SPAG16: variants seen among roughly 807,000 people sequenced by gnomAD.
SPAG16 encodes the protein sperm associated antigen 16, also known as sperm-associated antigen 16 protein.
Under a neutral mutation model 80.4 loss-of-function variants are expected in SPAG16, and 86 were observed. The ratio of observed to expected loss-of-function variants is 1.07; its 90% CI spans 0.90 to 1.28. SPAG16 has a LOEUF of 1.28. SPAG16 is among the 50% of genes most tolerant of loss of function. The probability of loss-of-function intolerance (pLI) is 0.00; values close to 1 mark genes in which losing one functional copy is unlikely to be tolerated. For synonymous variants in SPAG16, 294 were observed against 265.9 expected (o/e 1.11, Z -1.03); for missense variants, 870 against 765.3 (o/e 1.14, Z -1.61).
In SPAG16 at chr2:213,974,179, A is replaced by G. The variant is rs115303995; in HGVS notation, c.1401-39772A>G. The stretch of plus-strand genomic sequence containing the variant: ...TGGAAGATAGAGCCAGATGATCATA[A>G]TTAGTTCTGTCTCTTATTTAAAAGA... On this transcript the variant is annotated intron_variant, in intron 12 of 15. Coordinates refer to ENST00000331683, the MANE Select transcript of SPAG16 (RefSeq NM_024532.5). Among the ~76,000 whole-genome samples the G allele has an allele frequency of 8.8e-3, 1,347 of 152,236 alleles. 21 individuals are homozygous for G. The highest frequency in any genetic ancestry group is 0.03 in the African/African-American group (1,254 of 41,552).
chr2:213,490,185 CT>C, intron 10 of SPAG16, 95 bp downstream of exon 10: 1 of 1,215,752 alleles, frequency 8.2e-7, no homozygotes, highest in Non-Finnish European at 1.1e-6. Context: ...AAATGGTTTG[CT>C]TTTAGCCTTT....
rs372576500 is a variant in SPAG16, at chr2:213,350,550, T to C, written c.667T>C (p.Tyr223His). 1.3e-6 allele frequency: 2 copies of C among 1,578,250 alleles called. No individual in the cohort carries two copies. The highest frequency in any genetic ancestry group is 1.7e-6 in the Non-Finnish European group (2 of 1,167,022). The change falls in exon 7 of 16, where the codon TAT becomes CAT. Residue 223 changes from tyrosine (Y) to histidine (H), a missense_variant. Coordinates refer to ENST00000331683, the MANE Select transcript of SPAG16 (RefSeq NM_024532.5). Reference sequence around the variant, plus strand: ...TAGGTTGAAGTTACATTATGCATCTTATGAACCGACTATAAGGGTGTTACA... The same window carrying C: ...TAGGTTGAAGTTACATTATGCATCTCATGAACCGACTATAAGGGTGTTACA... Reference protein sequence around the residue: ...LKGLKLHYASYEPTIRVLHEK... With the variant: ...LKGLKLHYASHEPTIRVLHEK...
Position 214,102,646 on chromosome 2 carries a change from G to C in SPAG16, c.1528-5550G>C, listed in dbSNP as rs533737567. On this transcript the variant is annotated intron_variant, in intron 13 of 15. Transcript: ENST00000331683. Reference sequence around the variant, plus strand: ...CCTATGTTGGACTTACTTCACAACTGTCTGTGTTAGCAGTGGAAGAGATCA... The same window carrying C: ...CCTATGTTGGACTTACTTCACAACTCTCTGTGTTAGCAGTGGAAGAGATCA... Among the ~76,000 whole-genome samples, 6 of 152,214 alleles carry C rather than the reference G, an allele frequency of 3.9e-5. No individual in the cohort carries two copies. In the East Asian group the frequency reaches 1.2e-3, roughly 29 times the overall value.
chr2:214,059,216 G>GTA (rs1423216101), intron 13 of SPAG16, among the ~76,000 whole-genome samples: 3 of 66,990 alleles, frequency 4.5e-5, no homozygotes, highest in Admixed American at 1.6e-4. Flanking sequence ...ATATATATAT[G>GTA]TATGTGTATA....
At chr2:213,480,043 T>A (rs1199020506) in intron 9 of SPAG16, among the ~76,000 whole-genome samples, 2 of 152,142 alleles carry the variant, frequency 1.3e-5, no homozygotes, top group East Asian at 3.9e-4. Context: ...GCAACTTTAC[T>A]TAAAATTCAA....
chr2:213,910,520 G>A (rs1263229750), intron 11 of SPAG16, among the ~76,000 whole-genome samples: 3 of 82,268 alleles, frequency 3.6e-5, no homozygotes, highest in African/African-American at 1.0e-4. Context: ...ACGGAGTCTC[G>A]CTCTGTCGCC....
intron 14 of SPAG16, 102 bp from the exon 15 acceptor site, chr2:214,149,038 A>C: frequency 2.6e-6 from 1 of 383,970 alleles, no homozygotes; most frequent in East Asian, 9.3e-5. Flanking sequence ...ATTTGTATAT[A>C]TGTAGTGTGT....
chr2:214,379,042 A>G (rs1047399458), intron 15 of SPAG16, among the ~76,000 whole-genome samples: 1 of 152,210 alleles, frequency 6.6e-6, no homozygotes, highest in Admixed American at 6.5e-5. Flanking sequence ...TACCTGCTGC[A>G]GGTCACTGAA....
At chr2:213,924,262 C>T (rs1050538803) in intron 11 of SPAG16, among the ~76,000 whole-genome samples, 1 of 152,182 alleles carries the variant, frequency 6.6e-6, no homozygotes, top group Non-Finnish European at 1.5e-5. Flanking sequence ...GTCTGGATGG[C>T]TCTCTCCCTC....
At chr2:213,796,931 TAAAGACC>T (rs762701774) in intron 10 of SPAG16, among the ~76,000 whole-genome samples, 14 of 28,162 alleles carry the variant, frequency 5.0e-4, no homozygotes, top group Non-Finnish European at 2.2e-3. Flanking sequence ...TTATTTCTCC[TAAAGACC>T]TTTTAGTGAG....
At chr2:213,939,072 T>G (rs2079100894) in intron 12 of SPAG16, among the ~76,000 whole-genome samples, 1 of 152,142 alleles carries the variant, frequency 6.6e-6, no homozygotes, top group African/African-American at 2.4e-5. Context: ...CAATCTAGAA[T>G]GAGCCATGAG....
chr2:213,832,757 C>T (rs1042233019), intron 10 of SPAG16, among the ~76,000 whole-genome samples: 1 of 152,142 alleles, frequency 6.6e-6, no homozygotes, highest in Admixed American at 6.5e-5. Context: ...TCAACCTAAG[C>T]TTAAAGATAG....
At chr2:213,801,260 G>A (rs1167228608) in intron 10 of SPAG16, among the ~76,000 whole-genome samples, 1 of 152,096 alleles carries the variant, frequency 6.6e-6, no homozygotes, top group African/African-American at 2.4e-5. Context: ...TGTTTTTGGT[G>A]GAATAAATAC....
At chr2:213,450,954 A>G (rs760828492) in intron 9 of SPAG16, among the ~76,000 whole-genome samples, 1 of 152,172 alleles carries the variant, frequency 6.6e-6, no homozygotes, top group African/African-American at 2.4e-5. Context: ...TTTGGAATTA[A>G]TTAAAACCTG....
At chr2:214,135,072 G>A (rs184550655) in intron 14 of SPAG16, among the ~76,000 whole-genome samples, 52 of 152,126 alleles carry the variant, frequency 3.4e-4, no homozygotes, top group Non-Finnish European at 4.7e-4. Context: ...CTAGTGTTCC[G>A]CTCCTAGAAG....
chr2:213,753,082 A>C (rs1356578121), intron 10 of SPAG16, among the ~76,000 whole-genome samples: 2 of 152,108 alleles, frequency 1.3e-5, no homozygotes, highest in Admixed American at 6.6e-5. Context: ...GCGTGATCTC[A>C]GCTCACTGCA....
chr2:214,281,203 C>A, intron 15 of SPAG16: 1 of 329,000 alleles, frequency 3.0e-6, no homozygotes, highest in Non-Finnish European at 6.0e-6. Context: ...AACCTTCACG[C>A]CATATTTTGG....
At chr2:213,995,136 C>T (rs974643630) in intron 12 of SPAG16, among the ~76,000 whole-genome samples, 9 of 152,162 alleles carry the variant, frequency 5.9e-5, no homozygotes, top group Non-Finnish European at 1.3e-4. Context: ...ATTAAATTAA[C>T]TAGTTGCTCA....
Position 214,250,668 on chromosome 2 carries a change from T to A in SPAG16, c.1720+101402T>A, listed in dbSNP as rs1455820421. Among the ~76,000 whole-genome samples, 4 of 137,542 alleles carry A rather than the reference T, an allele frequency of 2.9e-5. No homozygotes were observed. The South Asian group carries it at 9.0e-4, about 31-fold the overall frequency. 90.2% of individuals were successfully genotyped at this position (137,542 alleles called of 152,430 possible). ...ATATTTCTATTTATATATTATATAT[T>A]TATATATTATATCTATATATAAAGA... On this transcript the variant is annotated intron_variant, in intron 15 of 15. Transcript: ENST00000331683.
Sources: allele counts gnomAD v4.1 joint callset (sites outside exome capture counted in the v4.1 genomes callset), GRCh38; gene constraint gnomAD v4.1.1; transcripts MANE v1.5; gene names NCBI Gene and HGNC (gene_info 2026-07-23, HGNC 2026-07-21).